The following DLGAP2 variants were observed in gnomAD, a reference collection of about 807,000 sequenced individuals.
DLGAP2 encodes disks large-associated protein 2.
DLGAP2 carries 26 observed loss-of-function variants against 100.3 expected under a neutral mutation model. The observed-to-expected ratio is 0.26, with a 90% CI of 0.19 to 0.36. The LOEUF is 0.36. Ranked by LOEUF, DLGAP2 falls within the 10% of genes least tolerant of loss-of-function variation. The pLI is 1.00. For synonymous variants in DLGAP2, 886 were observed against 630.1 expected (o/e 1.41, Z -6.08); for missense variants, 1,858 against 1,453.2 (o/e 1.28, Z -4.53).
At chr8:1,285,953 C>G (rs1014391847) in intron 3 of DLGAP2, among the ~76,000 whole-genome samples, 17 of 152,204 alleles carry the variant, frequency 1.1e-4, no homozygotes, top group Non-Finnish European at 2.5e-4. Flanking sequence ...GACCCTGTCT[C>G]AAAGAAACAC....
chr8:1,204,797 C>T (rs7003978), intron 2 of DLGAP2, among the ~76,000 whole-genome samples: 85,850 of 151,740 alleles, frequency 0.57, 26,706 homozygotes, highest in African/African-American at 0.83. Flanking sequence ...TTCTTAGGGG[C>T]AGTAGAGTGC....
chr8:789,021 T>C (rs959551791), intron 1 of DLGAP2, among the ~76,000 whole-genome samples: 1 of 152,224 alleles, frequency 6.6e-6, no homozygotes, highest in Non-Finnish European at 1.5e-5. Flanking sequence ...GTTCAAGGTT[T>C]TGCCGGTTTT....
chr8:1,601,362 T>G (rs1796617687), intron 6 of DLGAP2, among the ~76,000 whole-genome samples: 1 of 152,186 alleles, frequency 6.6e-6, no homozygotes, highest in African/African-American at 2.4e-5. Flanking sequence ...AGGGGCCCAC[T>G]TGAGGAGGCA....
At chr8:1,034,345 G>T (rs56142394) in intron 2 of DLGAP2, among the ~76,000 whole-genome samples, 2 of 4,278 alleles carry the variant, frequency 4.7e-4, no homozygotes, top group East Asian at 4.5e-3. Context: ...GCGTGTCACC[G>T]CGAGTGGGTT....
chr8:972,348 A>T (rs1800034146), intron 2 of DLGAP2, among the ~76,000 whole-genome samples: 1 of 152,254 alleles, frequency 6.6e-6, no homozygotes, highest in Non-Finnish European at 1.5e-5. Flanking sequence ...CAGAGACTGA[A>T]ATTATCAACA....
chr8:1,040,482 C>T (rs1169915875), intron 2 of DLGAP2, among the ~76,000 whole-genome samples: 3 of 145,462 alleles, frequency 2.1e-5, no homozygotes, highest in Non-Finnish European at 3.0e-5. Flanking sequence ...ATGGTCGGCT[C>T]GGTTTCCGTG....
chr8:1,200,313 T>C (rs140706352), intron 2 of DLGAP2, among the ~76,000 whole-genome samples: 4,766 of 152,328 alleles, frequency 0.031, 106 homozygotes, highest in Middle Eastern at 0.1. Context: ...GCGTGTTCTT[T>C]TCTCACTGAG....
At chr8:1,545,277 A>G (rs956967218) in intron 4 of DLGAP2, among the ~76,000 whole-genome samples, 1 of 152,162 alleles carries the variant, frequency 6.6e-6, no homozygotes, top group Non-Finnish European at 1.5e-5. Flanking sequence ...TCGTCCCACA[A>G]GCACGGCGTG....
rs184003955 is a variant in DLGAP2 at position 875,343 on chromosome 8, T to C, written c.19-32569T>C. On this transcript the variant is annotated intron_variant, in intron 1 of 14. Coordinates refer to ENST00000637795, the MANE Select transcript of DLGAP2 (RefSeq NM_001346810.2). ...TGACTGTGTCCCCACCCAAATCTCATCTTGAATTGTGGTTCCCATAATCCC... is the reference window on the plus strand; with the variant it reads ...TGACTGTGTCCCCACCCAAATCTCACCTTGAATTGTGGTTCCCATAATCCC... Among the ~76,000 whole-genome samples, 4 of 152,332 alleles carry C rather than the reference T, an allele frequency of 2.6e-5. No individual in the cohort carries two copies. The East Asian group carries it at 5.8e-4, about 22-fold the overall frequency.
intron 3 of DLGAP2, among the ~76,000 whole-genome samples, chr8:1,346,350 C>G (rs1801555412): frequency 6.6e-6 from 1 of 151,352 alleles, no homozygotes; most frequent in Admixed American, 6.6e-5. Context: ...CTGCATTGCT[C>G]TCATGGCGGC....
intron 6 of DLGAP2, among the ~76,000 whole-genome samples, chr8:1,609,549 A>C (rs1379218268): frequency 3.0e-5 from 4 of 134,666 alleles, no homozygotes; most frequent in African/African-American, 1.0e-4. Context: ...ATTAACTTTA[A>C]ATGTAAATGG....
rs566017059 is a variant in DLGAP2, at chr8:1,324,563, T to G, written c.106+65680T>G. On this transcript the variant is annotated intron_variant, in intron 3 of 14. Transcript: ENST00000637795. ...GGATGTAAAACTGTCCAGGACACAG[T>G]GTTACATCCATTCTCCATAGGGTTT... Among the ~76,000 whole-genome samples the G allele has an allele frequency of 5.3e-5, 8 of 152,298 alleles. No homozygotes were observed. The South Asian group carries it at 1.0e-3, about 20-fold the overall frequency.
At chr8:1,326,994 T>A (rs79507838) in intron 3 of DLGAP2, among the ~76,000 whole-genome samples, 1,826 of 152,338 alleles carry the variant, frequency 0.012, 48 homozygotes, top group African/African-American at 0.042. Context: ...CCTTGGGCTA[T>A]GAGGGTGAAC....
intron 2 of DLGAP2, among the ~76,000 whole-genome samples, chr8:1,203,713 C>T (rs1438226493): frequency 6.6e-6 from 1 of 152,176 alleles, no homozygotes; most frequent in African/African-American, 2.4e-5. Context: ...CTATACCCAA[C>T]CACACACACA....
At chr8:1,051,768 C>T (rs1016406074) in intron 2 of DLGAP2, among the ~76,000 whole-genome samples, 2 of 152,090 alleles carry the variant, frequency 1.3e-5, no homozygotes, top group Admixed American at 1.3e-4. Flanking sequence ...GGCTTCACCT[C>T]TGTCTCATGC....
chr8:1,556,821 G>GAAATTGTCCCA (rs1326376195), intron 5 of DLGAP2, among the ~76,000 whole-genome samples: 3 of 152,194 alleles, frequency 2.0e-5, no homozygotes, highest in Non-Finnish European at 2.9e-5. Context: ...TCCCACCCAA[G>GAAATTGTCCCA]CTAAATTGTT....
chr8:1,578,107 T>G (rs1803068970), intron 6 of DLGAP2, among the ~76,000 whole-genome samples: 1 of 152,166 alleles, frequency 6.6e-6, no homozygotes, highest in Admixed American at 6.5e-5. Flanking sequence ...GTGCACTGAG[T>G]GTTTTTCTCT....
intron 2 of DLGAP2, among the ~76,000 whole-genome samples, chr8:1,205,937 G>C (rs7008472): frequency 0.059 from 9,049 of 152,218 alleles, 454 homozygotes; most frequent in African/African-American, 0.14. Context: ...AGGATCACTT[G>C]AGCCCAGGAG....
At chr8:1,152,823 GTGCAAAAAA>G (rs2129051693) in intron 2 of DLGAP2, among the ~76,000 whole-genome samples, 1 of 152,272 alleles carries the variant, frequency 6.6e-6, no homozygotes, top group Non-Finnish European at 1.5e-5. Context: ...TAGTGGCTCT[GTGCAAAAAA>G]TGCTGCCGTG....
Sources: allele counts gnomAD v4.1 joint callset (sites outside exome capture counted in the v4.1 genomes callset), GRCh38; gene constraint gnomAD v4.1.1; transcripts MANE v1.5; gene names NCBI Gene and HGNC (gene_info 2026-07-23, HGNC 2026-07-21).